CDH17: variants seen among roughly 807,000 people sequenced by gnomAD.
The protein encoded by CDH17 is cadherin 17.
CDH17 carries 67 observed loss-of-function variants against 86.3 expected under a neutral mutation model. The ratio of observed to expected loss-of-function variants is 0.78; its 90% CI spans 0.64 to 0.95. The LOEUF is 0.95. Ranked by LOEUF, CDH17 falls within the 40% of genes least tolerant of loss-of-function variation. The pLI is 0.00. For missense variants in CDH17, 993 were observed against 1,017.6 expected, an observed-to-expected ratio of 0.98 and a Z score of 0.33; for synonymous variants, 367 against 366.4, an observed-to-expected ratio of 1.00 and a Z score of -0.02.
chr8:94,194,819 C>T, intron 1 of CDH17, 114 bp from the exon 2 acceptor site: 1 of 635,690 alleles, frequency 1.6e-6, no homozygotes, highest in Non-Finnish European at 2.8e-6. Context: ...AAAATGGTAT[C>T]CCAAAAGGCC....
intron 4 of CDH17, 63 bp from the exon 5 acceptor site, chr8:94,176,742 T>C: frequency 6.6e-7 from 1 of 1,516,352 alleles, no homozygotes; most frequent in East Asian, 2.3e-5. Context: ...TGCCCAAAAA[T>C]CACTTGAAGG....
chr8:94,166,511 G>A (rs540518387), intron 9 of CDH17, among the ~76,000 whole-genome samples: 5 of 152,216 alleles, frequency 3.3e-5, no homozygotes, highest in Non-Finnish European at 7.3e-5. Context: ...GGAGGGGGAA[G>A]ATGTAGCCTA....
chr8:94,213,121 C>T (rs1760634053), upstream of CDH17, among the ~76,000 whole-genome samples: 1 of 152,194 alleles, frequency 6.6e-6, no homozygotes, highest in Non-Finnish European at 1.5e-5. Flanking sequence ...GGACTACAGG[C>T]AAGTGCCACC....
chr8:94,159,581 G>A (rs1391503356), intron 12 of CDH17, among the ~76,000 whole-genome samples: 1 of 152,104 alleles, frequency 6.6e-6, no homozygotes, highest in Non-Finnish European at 1.5e-5. Context: ...GCGAGATTTA[G>A]CAAATAGCAA....
rs1282105948 is a variant in CDH17, at chr8:94,127,239, A to G, written c.*1001T>C. The G allele has an allele frequency of 6.6e-6, 1 of 152,244 alleles. No individual in the cohort carries two copies. Among genetic ancestry groups the G allele is most frequent in the Admixed American group, 6.5e-5 (1 of 15,290 alleles). 9.4% of individuals were successfully genotyped at this position (152,244 alleles called of 1,614,324 possible). On this transcript the variant is annotated 3_prime_UTR_variant, in exon 18 of 18. Transcript: ENST00000027335. ...CTTTTCATGTCTTGTTTTCTTCCAC[A>G]TGTTAAATATATAATAACCAAAACT...
chr8:94,202,039 CT>C, intron 1 of CDH17: 1 of 184,286 alleles, frequency 5.4e-6, no homozygotes, highest in Non-Finnish European at 1.1e-5. Context: ...TCTGATCAGC[CT>C]TGCACTGCTT....
chr8:94,161,181 A>G (rs1813044478), intron 11 of CDH17, among the ~76,000 whole-genome samples: 1 of 152,218 alleles, frequency 6.6e-6, no homozygotes, highest in South Asian at 2.1e-4. Context: ...GGAGGTCACA[A>G]AGTTAGGAAA....
At chr8:94,189,351 T>G (rs1252482244) in intron 2 of CDH17, 66 bp from the exon 3 acceptor site, 1 of 1,143,084 alleles carries the variant, frequency 8.7e-7, no homozygotes, top group African/African-American at 1.6e-5. Context: ...TTGATTTTAT[T>G]AGGGCTTCCA....
Position 94,170,494 on chromosome 8 carries a change from C to T in CDH17, c.969G>A (p.Pro323=), listed in dbSNP as rs149672126. The T allele has an allele frequency of 3.3e-4, 534 of 1,613,664 alleles. 3 individuals are homozygous for T. Among genetic ancestry groups the T allele is most frequent in the African/African-American group, 3.1e-3 (229 of 74,984 alleles). The change falls in exon 9 of 18, where the codon CCG becomes CCA. Residue 323 remains proline, a synonymous_variant. Transcript: ENST00000027335. ...KDEYGKPLSY[P]LEIHVKVKDI... ...CTTTAACTTTTACATGAATTTCCAG[C>T]GGATATGAAAGTGGTTTTCCGTACT...
At chr8:94,179,445 C>G (rs1168387201) in intron 3 of CDH17, among the ~76,000 whole-genome samples, 1 of 152,220 alleles carries the variant, frequency 6.6e-6, no homozygotes, top group Non-Finnish European at 1.5e-5. Context: ...ATGAGATGTC[C>G]ATAAGGGGCT....
intron 2 of CDH17, among the ~76,000 whole-genome samples, chr8:94,192,035 C>T (rs1813699970): frequency 1.3e-5 from 2 of 152,200 alleles, no homozygotes; most frequent in African/African-American, 4.8e-5. Flanking sequence ...CAGTTAGTCA[C>T]ACCAGTGAAA....
At chr8:94,186,307 G>C (rs1813579345) in intron 3 of CDH17, among the ~76,000 whole-genome samples, 1 of 152,124 alleles carries the variant, frequency 6.6e-6, no homozygotes, top group Non-Finnish European at 1.5e-5. Context: ...GCAAGCCAGA[G>C]ACCTAAGAGT....
chr8:94,165,859 A>G lies in CDH17; in HGVS notation c.1184T>C (p.Leu395Pro). 6.2e-7 allele frequency: 1 copy of G among 1,613,740 alleles called. No homozygotes were observed. The highest frequency in any genetic ancestry group is 8.5e-7 in the Non-Finnish European group (1 of 1,179,660). ...TPKLPMDGLF[L>P]IQTYAGMLQL... is the part of the protein sequence containing the mutation. ...TAACATTCCAGCATAGGTTTGGATT[A>G]GGAAGAGTCCATCCATGGGAAGTTT... Residue 395 changes from leucine to proline, a missense_variant, in exon 10 of 18, where the codon CTA becomes CCA. Coordinates refer to ENST00000027335, the MANE Select transcript of CDH17 (RefSeq NM_004063.4).
rs145420826 is a variant in CDH17 at position 94,176,067 on chromosome 8, T to C, written c.424+474A>G. Among the ~76,000 whole-genome samples, 300 of 152,162 alleles carry C rather than the reference T, an allele frequency of 2.0e-3. 1 individual carries two copies. The highest frequency in any genetic ancestry group is 7.0e-3 in the African/African-American group (289 of 41,522). ...CCACACCTGGCAAACTATTATTTTT[T>C]GTAGAGACAGGATCTCACTTTGTTG... On this transcript the variant is annotated intron_variant, in intron 5 of 17. Coordinates refer to ENST00000027335, the MANE Select transcript of CDH17 (RefSeq NM_004063.4).
chr8:94,139,899 T>A (rs2513803), intron 15 of CDH17, among the ~76,000 whole-genome samples: 79,714 of 137,470 alleles, frequency 0.58, 21,680 homozygotes, highest in African/African-American at 0.66. Flanking sequence ...AAATAAAAAA[T>A]AAATAAAAAA....
At chr8:94,195,846 C>T (rs1813775823) in intron 1 of CDH17, among the ~76,000 whole-genome samples, 2 of 151,990 alleles carry the variant, frequency 1.3e-5, no homozygotes, top group South Asian at 2.1e-4. Context: ...TTGCAAGCTC[C>T]GCCTCCCAGG....
chr8:94,132,371 T>C (rs1035147594), intron 15 of CDH17, among the ~76,000 whole-genome samples: 5 of 152,244 alleles, frequency 3.3e-5, no homozygotes, highest in African/African-American at 1.2e-4. Flanking sequence ...ATCACCCTTC[T>C]AACTGGTGTG....
intron 12 of CDH17, among the ~76,000 whole-genome samples, chr8:94,156,814 G>A (rs560551096): frequency 1.3e-5 from 2 of 152,300 alleles, no homozygotes; most frequent in South Asian, 4.1e-4. Flanking sequence ...TGGATGCTGT[G>A]TTAGGAACTA....
chr8:94,135,852 G>T (rs1812513076), intron 15 of CDH17, among the ~76,000 whole-genome samples: 1 of 152,160 alleles, frequency 6.6e-6, no homozygotes, highest in Non-Finnish European at 1.5e-5. Context: ...AGGCCTGGTG[G>T]TGACAAAATC....
Sources: gnomAD v4.1 joint callset for allele counts (sites outside exome capture counted in the v4.1 genomes callset) on GRCh38, gnomAD v4.1.1 for gene constraint, MANE v1.5 for transcripts, NCBI Gene and HGNC (gene_info 2026-07-23, HGNC 2026-07-21) for gene names.